Variants in HEATR4 observed in about 807,000 individuals in gnomAD.
HEATR4 encodes the protein HEAT repeat-containing protein 4.
In HEATR4, 95 loss-of-function variants were observed where a neutral mutation model predicts 108.8. The observed-to-expected ratio is 0.87, with a 90% CI of 0.74 to 1.04. HEATR4 has a LOEUF of 1.04. Ranked by LOEUF, HEATR4 falls within the 50% of genes least tolerant of loss-of-function variation. The pLI, the probability that HEATR4 is intolerant of heterozygous loss-of-function variation, is 0.00. For missense variants in HEATR4, 1,152 were observed against 1,253.8 expected (o/e 0.92, Z 1.23); for synonymous variants, 443 against 459.4 (o/e 0.96, Z 0.46).
the HEATR4 span, among the ~76,000 whole-genome samples, chr14:73,570,057 G>A: frequency 6.6e-6 from 1 of 151,118 alleles, no homozygotes; most frequent in African/African-American, 2.4e-5. Flanking sequence ...GCCTCCCTAA[G>A]AGCTGGGATT....
intron 1 of HEATR4, among the ~76,000 whole-genome samples, chr14:73,547,566 C>T (rs1269502234): frequency 8.7e-6 from 1 of 114,760 alleles, no homozygotes; most frequent in African/African-American, 2.8e-5. Context: ...GTCCAATCGG[C>T]ATGGTTTTTA....
chr14:73,511,055 G>A (rs1887218618), intron 7 of HEATR4, among the ~76,000 whole-genome samples: 1 of 152,116 alleles, frequency 6.6e-6, no homozygotes, highest in Non-Finnish European at 1.5e-5. Context: ...AGGTGTTTAG[G>A]GGAACAGGTG....
intron 10 of HEATR4, among the ~76,000 whole-genome samples, chr14:73,504,772 A>C (rs1438364575): frequency 2.6e-5 from 4 of 152,174 alleles, no homozygotes; most frequent in Non-Finnish European, 5.9e-5. Flanking sequence ...GCTATTCTGG[A>C]GATATCCAAA....
chr14:73,482,511 G>A (rs1180009129), intron 17 of HEATR4, among the ~76,000 whole-genome samples: 1 of 151,376 alleles, frequency 6.6e-6, no homozygotes, highest in East Asian at 2.0e-4. Flanking sequence ...GACACAGCCA[G>A]ACTTCGAGAC....
chr14:73,484,297 A>G lies in HEATR4; in HGVS notation c.2845-5455T>C, dbSNP rs529487294. 4.6e-5 allele frequency among the ~76,000 whole-genome samples: 7 copies of G among 152,060 alleles called. No individual in the cohort carries two copies. In the South Asian group the frequency reaches 1.2e-3, roughly 27 times the overall value. On this transcript the variant is annotated intron_variant, in intron 17 of 17. Transcript: ENST00000553558. ...TTACGACGTATAGCAAGACTCAGCC[A>G]ATTTGTTCTGTAAAAGGCCAGATAG...
At chr14:73,559,221 C>T (rs1345153019), upstream of HEATR4, among the ~76,000 whole-genome samples, 1 of 151,712 alleles carries the variant, frequency 6.6e-6, no homozygotes, top group Non-Finnish European at 1.5e-5. Context: ...GCAACCTGTG[C>T]CTCCCAGGTT....
the HEATR4 span, among the ~76,000 whole-genome samples, chr14:73,605,688 A>G: frequency 3.4e-5 from 5 of 146,058 alleles, no homozygotes; most frequent in African/African-American, 1.3e-4. Context: ...CTCCTACCTC[A>G]GCCTCCCAAG....
the HEATR4 span, chr14:73,592,340 C>T: frequency 6.3e-7 from 1 of 1,599,510 alleles, no homozygotes. Flanking sequence ...AGCACGAGCG[C>T]CACTTCCTCC....
the HEATR4 span, among the ~76,000 whole-genome samples, chr14:73,603,715 C>T: frequency 1.3e-5 from 2 of 150,566 alleles, no homozygotes; most frequent in Admixed American, 6.7e-5. Flanking sequence ...AACATTTGAT[C>T]GAAGTGCTTA....
chr14:73,496,939 G>A (rs935576219), intron 14 of HEATR4, among the ~76,000 whole-genome samples: 3 of 152,218 alleles, frequency 2.0e-5, no homozygotes, highest in African/African-American at 4.8e-5. Flanking sequence ...TCCCAGAGCT[G>A]GAGTGCAATG....
the HEATR4 span, among the ~76,000 whole-genome samples, chr14:73,633,128 C>T: frequency 2.0e-5 from 3 of 151,652 alleles, no homozygotes; most frequent in Admixed American, 2.0e-4. Context: ...CCTCAGCCTC[C>T]CGAGTAGCTG....
the HEATR4 span, chr14:73,591,970 C>T: frequency 1.1e-5 from 15 of 1,393,770 alleles, no homozygotes; most frequent in African/African-American, 1.5e-5. Context: ...ATGTCAGCAA[C>T]GCTGATCCTG....
rs1566832354 is a variant in HEATR4 at position 73,509,866 on chromosome 14, A to ATATT, written c.1559-397_1559-394dup. Reference sequence around the variant, plus strand: ...TATATATATATATATATATATATATATATTTATTTATTTTATATATTTTTT... The same window carrying ATATT: ...TATATATATATATATATATATATATATATTTATTTATTTATTTTATATATTTTTT... On this transcript the variant is annotated intron_variant, in intron 7 of 17. Coordinates refer to ENST00000553558, the MANE Select transcript of HEATR4 (RefSeq NM_001220484.1). Among the ~76,000 whole-genome samples the ATATT allele has an allele frequency of 6.6e-3, 443 of 67,448 alleles. 20 individuals carry two copies. Among genetic ancestry groups the ATATT allele is most frequent in the Non-Finnish European group, 9.3e-3 (315 of 33,714 alleles). 44.2% of individuals were successfully genotyped at this position (67,448 alleles called of 152,430 possible).
At position 73,544,705 on chromosome 14, in the gene HEATR4, C is replaced by T. The variant is rs531717856; in HGVS notation, c.-152+14046G>A. ...TAATGCCAGCACTTTGGGAGGCCAA[C>T]GCTGGTGGATTGCTTGAACCCAGGA... On this transcript the variant is annotated intron_variant, in intron 1 of 17. Transcript: ENST00000553558. Among the ~76,000 whole-genome samples the T allele has an allele frequency of 1.5e-4, 17 of 114,966 alleles. 5 individuals carry two copies. Among genetic ancestry groups the T allele is most frequent in the Admixed American group, 1.2e-3 (12 of 10,046 alleles). 75.4% of individuals were successfully genotyped at this position (114,966 alleles called of 152,430 possible).
rs1566852782 is a variant in HEATR4, at chr14:73,547,882, T to C, written c.-152+10869A>G. 1.7e-5 allele frequency among the ~76,000 whole-genome samples: 2 copies of C among 114,656 alleles called. 1 individual carries two copies. Among genetic ancestry groups the C allele is most frequent in the East Asian group, 1.4e-3 (2 of 1,472 alleles). 75.2% of individuals were successfully genotyped at this position (114,656 alleles called of 152,430 possible). ...GCCTGGACAACAGAGTGAGACCCTG[T>C]CTCAAAAAATAAAATAAAAATAAAG... On this transcript the variant is annotated intron_variant, in intron 1 of 17. Coordinates refer to ENST00000553558, the MANE Select transcript of HEATR4 (RefSeq NM_001220484.1).
chr14:73,522,177 G>A (rs553612515), intron 3 of HEATR4, 95 bp downstream of exon 3: 1 of 1,274,046 alleles, frequency 7.8e-7, no homozygotes, highest in Non-Finnish European at 1.1e-6. Context: ...TGATGGGAGA[G>A]TGCATTCTGA....
chr14:73,500,425 C>G (rs559824325), intron 12 of HEATR4, 125 bp downstream of exon 12: 213 of 1,044,310 alleles, frequency 2.0e-4, no homozygotes, highest in Non-Finnish European at 2.7e-4. Flanking sequence ...TTATACACCC[C>G]CTTCCCAGTT....
chr14:73,575,479 G>A, the HEATR4 span: 1 of 1,498,960 alleles, frequency 6.7e-7, no homozygotes, highest in Non-Finnish European at 8.9e-7. Context: ...AAACACTTGG[G>A]TGGCCACGAG....
At position 73,478,827 on chromosome 14, in the gene HEATR4, C is replaced by T. The variant is rs770540610; in HGVS notation, c.2860G>A (p.Ala954Thr). 2.5e-6 allele frequency: 4 copies of T among 1,605,286 alleles called. No homozygotes were observed. In the South Asian group the frequency reaches 4.4e-5, roughly 18 times the overall value. Residue 954 changes from alanine (A) to threonine (T), a missense_variant, in exon 18 of 18, where the codon GCA becomes ACA. Transcript: ENST00000553558. ...GAACTTTGTAACCAGGGATTTGGTG[C>T]GCGGGGCTTCACAGGCTGCAGAGAA... ...EAVIKPVKPR[A>T]PNPWLQSSVP... is the part of the protein sequence containing the mutation.
Sources: gnomAD v4.1 joint callset for allele counts (sites outside exome capture counted in the v4.1 genomes callset) on GRCh38, gnomAD v4.1.1 for gene constraint, MANE v1.5 for transcripts, NCBI Gene and HGNC (gene_info 2026-07-23, HGNC 2026-07-21) for gene names.